C10orf90: variants seen among roughly 807,000 people sequenced by gnomAD.
The protein encoded by C10orf90 is chromosome 10 open reading frame 90, also known as (E2-independent) E3 ubiquitin-conjugating enzyme FATS.
Under a neutral mutation model 62.5 loss-of-function variants are expected in C10orf90, and 56 were observed. The ratio of observed to expected loss-of-function variants is 0.90; its 90% CI spans 0.72 to 1.12. The LOEUF (loss-of-function observed/expected upper bound fraction) is 1.12. C10orf90 is among the 50% of genes most tolerant of loss of function. The pLI is 0.00. For missense variants in C10orf90, 970 were observed against 880.4 expected, an observed-to-expected ratio of 1.10 and a Z score of -1.29; for synonymous variants, 386 against 340.4, an observed-to-expected ratio of 1.13 and a Z score of -1.47.
At chr10:126,534,729 G>A (rs1016798032) in intron 2 of C10orf90, among the ~76,000 whole-genome samples, 2 of 151,880 alleles carry the variant, frequency 1.3e-5, no homozygotes, top group Admixed American at 6.6e-5. Context: ...CTGGGTTTGT[G>A]TGTTTCTTCT....
chr10:126,591,623 T>C (rs1844981332), intron 2 of C10orf90, among the ~76,000 whole-genome samples: 1 of 152,108 alleles, frequency 6.6e-6, no homozygotes, highest in Admixed American at 6.5e-5. Context: ...AGCATTCCCC[T>C]TGAAAACCAG....
At chr10:126,532,456 G>A (rs546386665) in intron 2 of C10orf90, among the ~76,000 whole-genome samples, 39 of 152,184 alleles carry the variant, frequency 2.6e-4, no homozygotes, top group Admixed American at 1.7e-3. Context: ...TGGTCTCTGA[G>A]CTTTGGCCAG....
chr10:126,568,851 G>C (rs1474913594), intron 2 of C10orf90, among the ~76,000 whole-genome samples: 1 of 152,192 alleles, frequency 6.6e-6, no homozygotes, highest in Non-Finnish European at 1.5e-5. Flanking sequence ...GAGGGCTGAA[G>C]AGTGAAGACA....
chr10:126,634,232 A>G (rs1845905633), intron 2 of C10orf90, among the ~76,000 whole-genome samples: 1 of 152,224 alleles, frequency 6.6e-6, no homozygotes, highest in Admixed American at 6.5e-5. Flanking sequence ...CTGAGTGTCC[A>G]TCAATAGGTG....
At chr10:126,550,434 T>C (rs1252516480) in intron 2 of C10orf90, among the ~76,000 whole-genome samples, 1 of 152,216 alleles carries the variant, frequency 6.6e-6, no homozygotes, top group Non-Finnish European at 1.5e-5. Context: ...CAGTATCCTT[T>C]ATGATACTGT....
intron 2 of C10orf90, among the ~76,000 whole-genome samples, chr10:126,588,155 C>T (rs897615503): frequency 1.3e-5 from 2 of 152,164 alleles, no homozygotes; most frequent in African/African-American, 2.4e-5. Context: ...TCTAGCCTGC[C>T]GGCTCTGGGG....
chr10:126,468,919 A>C (rs947676093), intron 4 of C10orf90, among the ~76,000 whole-genome samples: 3 of 152,238 alleles, frequency 2.0e-5, no homozygotes, highest in Admixed American at 1.3e-4. Flanking sequence ...CCAATCTGAT[A>C]GAAAAAAGAT....
At position 126,490,023 on chromosome 10, in the gene C10orf90, TATATAATATATA is replaced by T. The variant is rs1163392100; in HGVS notation, c.1534+13922_1534+13933del. On this transcript the variant is annotated intron_variant, in intron 4 of 9. Transcript: ENST00000488181. ...TATATATTATATATATTATATATAA[TATATAATATATA>T]ATATATATTATATATTATGTTATAT... 2.8e-3 allele frequency among the ~76,000 whole-genome samples: 262 copies of T among 93,466 alleles called. 1 individual carries two copies. Among genetic ancestry groups the T allele is most frequent in the African/African-American group, 0.014 (239 of 16,696 alleles). 61.3% of individuals were successfully genotyped at this position (93,466 alleles called of 152,430 possible). A position where few individuals can be genotyped will look rare whatever the true frequency, so the allele number is the denominator to read the frequency against.
intron 2 of C10orf90, among the ~76,000 whole-genome samples, chr10:126,542,529 C>CT (rs973462684): frequency 8.6e-5 from 13 of 151,910 alleles, no homozygotes; most frequent in African/African-American, 2.9e-4. Flanking sequence ...AAAAATAATA[C>CT]TTTTTTTAAA....
At chr10:126,514,010 G>T in intron 2 of C10orf90, 71 bp from the exon 3 acceptor site, 1 of 1,123,950 alleles carries the variant, frequency 8.9e-7, no homozygotes, top group Non-Finnish European at 1.3e-6. Context: ...TAACTCTACT[G>T]TAAAATTTAA....
rs764956671 is a variant in C10orf90, at chr10:126,491,491, G to A, written c.1534+12466C>T. On this transcript the variant is annotated intron_variant, in intron 4 of 9. Transcript: ENST00000488181. The stretch of plus-strand genomic sequence containing the variant: ...AAAACAAACAACAGAGTACAGAACC[G>A]GGTCTTTTTTAAAATATAAAATTAA... Among the ~76,000 whole-genome samples the A allele has an allele frequency of 3.9e-4, 59 of 152,056 alleles. 1 individual carries two copies. Among genetic ancestry groups the A allele is most frequent in the Admixed American group, 3.6e-3 (55 of 15,258 alleles).
rs536475726 is a variant in C10orf90, at chr10:126,468,356, C to T, written c.1535-3370G>A. Among the ~76,000 whole-genome samples the T allele has an allele frequency of 3.4e-3, 524 of 152,310 alleles. 21 individuals carry two copies. The highest frequency in any genetic ancestry group is 8.2e-4 in the Non-Finnish European group (56 of 68,030). On this transcript the variant is annotated intron_variant, in intron 4 of 9. Transcript: ENST00000488181. The stretch of plus-strand genomic sequence containing the variant: ...TGCTAGGATTACAGGCGTGAGCCGC[C>T]GCGCCTGGCCAAAAGCTAGCTATTT...
chr10:126,439,324 A>T (rs992623061), intron 7 of C10orf90, among the ~76,000 whole-genome samples: 1 of 152,158 alleles, frequency 6.6e-6, no homozygotes, highest in Non-Finnish European at 1.5e-5. Context: ...TTTTTCCCCC[A>T]ATGAAACCAG....
rs1844724954 is a variant in C10orf90 at position 126,580,527 on chromosome 10, C to T, written c.313+66038G>A. The stretch of plus-strand genomic sequence containing the variant: ...AATCAGCCAGGCGCAGTGGTGGGCG[C>T]CTGTAGTCCCAGCTACTCGGGAGGC... On this transcript the variant is annotated intron_variant, in intron 2 of 9. Transcript: ENST00000488181. 2.0e-5 allele frequency among the ~76,000 whole-genome samples: 3 copies of T among 152,090 alleles called. No individual in the cohort carries two copies. The South Asian group carries it at 6.2e-4, about 32-fold the overall frequency.
At chr10:126,520,120 C>G (rs1484043548) in intron 2 of C10orf90, 1 of 152,352 alleles carries the variant, frequency 6.6e-6, no homozygotes, top group Non-Finnish European at 1.5e-5. Context: ...TGCACCCTCC[C>G]CCTCACCTCC....
At chr10:126,595,811 A>C (rs187955346) in intron 2 of C10orf90, among the ~76,000 whole-genome samples, 38 of 152,230 alleles carry the variant, frequency 2.5e-4, no homozygotes, top group African/African-American at 8.7e-4. Context: ...TGGGGTCCAC[A>C]TCTCTAGCTC....
Position 126,540,436 on chromosome 10 carries a change from A to C in C10orf90, c.314-26497T>G, listed in dbSNP as rs192073120. 4.8e-3 allele frequency among the ~76,000 whole-genome samples: 733 copies of C among 152,254 alleles called. 5 individuals carry two copies. Among genetic ancestry groups the C allele is most frequent in the Non-Finnish European group, 8.4e-3 (573 of 68,000 alleles). On this transcript the variant is annotated intron_variant, in intron 2 of 9. Transcript: ENST00000488181. ...CACTTTGAGAGGCCAAGACAGGAGGATCACTTGAGCCCAGGAGTTTGAGAC... is the reference window on the plus strand; with the variant it reads ...CACTTTGAGAGGCCAAGACAGGAGGCTCACTTGAGCCCAGGAGTTTGAGAC...
At chr10:126,571,839 C>T (rs369875548) in intron 2 of C10orf90, among the ~76,000 whole-genome samples, 2 of 152,156 alleles carry the variant, frequency 1.3e-5, no homozygotes, top group African/African-American at 4.8e-5. Flanking sequence ...GCTACCAAAC[C>T]TCAAGGGGCA....
chr10:126,629,334 C>T (rs895393332), intron 2 of C10orf90, among the ~76,000 whole-genome samples: 1 of 152,218 alleles, frequency 6.6e-6, no homozygotes, highest in African/African-American at 2.4e-5. Flanking sequence ...GAGGCAGACA[C>T]TCTCTAGCAA....
Sources: gnomAD v4.1 joint callset for allele counts (sites outside exome capture counted in the v4.1 genomes callset) on GRCh38, gnomAD v4.1.1 for gene constraint, MANE v1.5 for transcripts, NCBI Gene and HGNC (gene_info 2026-07-23, HGNC 2026-07-21) for gene names.